Variants in WDR25 observed in about 807,000 individuals in gnomAD.
WDR25 encodes the protein WD repeat domain 25.
In WDR25, 35 loss-of-function variants were observed where a neutral mutation model predicts 47.7. The observed-to-expected ratio is 0.73, with a 90% CI of 0.56 to 0.97. The LOEUF (loss-of-function observed/expected upper bound fraction) is 0.97, where lower values mean the gene tolerates loss of function less well. Ranked by LOEUF, WDR25 falls within the 50% of genes least tolerant of loss-of-function variation. The pLI is 0.00. For missense variants in WDR25, 634 were observed against 704.7 expected (o/e 0.90, Z 1.14); for synonymous variants, 248 against 278.9 (o/e 0.89, Z 1.10).
intron 4 of WDR25, among the ~76,000 whole-genome samples, chr14:100,501,516 C>T (rs180766976): frequency 1.7e-4 from 26 of 152,264 alleles, no homozygotes; most frequent in African/African-American, 5.5e-4. Flanking sequence ...GCGATAACAC[C>T]GGTCATCTCA....
chr14:100,414,435 C>T (rs765496948), intron 2 of WDR25, among the ~76,000 whole-genome samples: 27 of 151,498 alleles, frequency 1.8e-4, no homozygotes, highest in Non-Finnish European at 3.5e-4. Flanking sequence ...GTCTCAGCCT[C>T]CCGAGTAGCT....
At chr14:100,501,206 C>T (rs1900911213) in intron 4 of WDR25, among the ~76,000 whole-genome samples, 1 of 145,656 alleles carries the variant, frequency 6.9e-6, no homozygotes, top group South Asian at 2.1e-4. Context: ...CTGTACAGTG[C>T]AGCTGGCGAG....
At chr14:100,396,556 C>A (rs1434484265) in intron 2 of WDR25, among the ~76,000 whole-genome samples, 1 of 152,190 alleles carries the variant, frequency 6.6e-6, no homozygotes, top group Non-Finnish European at 1.5e-5. Context: ...GCAGGTGGCA[C>A]AAGTTTGCCC....
At chr14:100,446,598 GGTAA>G (rs1178612296) in intron 2 of WDR25, among the ~76,000 whole-genome samples, 1 of 151,066 alleles carries the variant, frequency 6.6e-6, no homozygotes, top group African/African-American at 2.4e-5. Flanking sequence ...CACAACACAT[GGTAA>G]GTAACACAAT....
chr14:100,442,863 AT>A (rs1239494837), intron 2 of WDR25, among the ~76,000 whole-genome samples: 2 of 152,258 alleles, frequency 1.3e-5, no homozygotes, highest in African/African-American at 4.8e-5. Flanking sequence ...CCATTTCTTT[AT>A]GTGATTCAGA....
At chr14:100,408,056 G>A (rs1428856190) in intron 2 of WDR25, among the ~76,000 whole-genome samples, 1 of 152,110 alleles carries the variant, frequency 6.6e-6, no homozygotes, top group Non-Finnish European at 1.5e-5. Context: ...TGTGGTGATG[G>A]TAATGGCCTA....
intron 2 of WDR25, among the ~76,000 whole-genome samples, chr14:100,460,300 G>C (rs1013283264): frequency 6.6e-6 from 1 of 151,962 alleles, no homozygotes; most frequent in Non-Finnish European, 1.5e-5. Context: ...TTTTAGTAGA[G>C]ACGGGGTTTC....
intron 2 of WDR25, among the ~76,000 whole-genome samples, chr14:100,398,697 G>A (rs541210014): frequency 5.5e-5 from 8 of 146,194 alleles, no homozygotes; most frequent in East Asian, 2.0e-4. Context: ...TCCTTTTTCC[G>A]TTTCAGGATC....
At chr14:100,476,890 T>C (rs925921089) in intron 3 of WDR25, among the ~76,000 whole-genome samples, 1 of 152,140 alleles carries the variant, frequency 6.6e-6, no homozygotes, top group Non-Finnish European at 1.5e-5. Flanking sequence ...TGGAGACCCA[T>C]ACTTGGGTTT....
At position 100,499,646 on chromosome 14, in the gene WDR25, G is replaced by C. The variant is rs1316253324; in HGVS notation, c.1101+15522G>C. ...GGCTGGAGGTGGGGTGGTGGCTGAG[G>C]GAGCAGGGTGGGTATAGGGAAGAAA... On this transcript the variant is annotated intron_variant, in intron 4 of 6. Transcript: ENST00000402312. The surrounding 1 kb of genome is among the most constrained non-coding windows in gnomAD (Gnocchi z 4.4). Among the ~76,000 whole-genome samples, 1 of 152,114 alleles carries C rather than the reference G, an allele frequency of 6.6e-6. No homozygotes were observed. The highest frequency in any genetic ancestry group is 1.5e-5 in the Non-Finnish European group (1 of 68,016).
intron 2 of WDR25, among the ~76,000 whole-genome samples, chr14:100,391,279 C>G (rs997835079): frequency 6.6e-6 from 1 of 152,134 alleles, no homozygotes; most frequent in African/African-American, 2.4e-5. Context: ...TAGCTTGAGC[C>G]AGTTTCAATT....
At position 100,407,783 on chromosome 14, in the gene WDR25, A is replaced by C. The variant is rs1382965985; in HGVS notation, c.822+26037A>C. On this transcript the variant is annotated intron_variant, in intron 2 of 6. Coordinates refer to ENST00000402312, the MANE Select transcript of WDR25 (RefSeq NM_001161476.3). The surrounding 1 kb of genome is among the most constrained non-coding windows in gnomAD (Gnocchi z 4.1). ...TGGCTAGGTTGAGTCTGGGTGCCAG[A>C]GATTAGAGCTGGGATTGGAGATGTA... Among the ~76,000 whole-genome samples, 1 of 152,066 alleles carries C rather than the reference A, an allele frequency of 6.6e-6. No homozygotes were observed. The highest frequency in any genetic ancestry group is 1.5e-5 in the Non-Finnish European group (1 of 68,012).
intron 5 of WDR25, among the ~76,000 whole-genome samples, chr14:100,528,546 A>G (rs1455642084): frequency 6.6e-6 from 1 of 151,216 alleles, no homozygotes; most frequent in Non-Finnish European, 1.5e-5. Flanking sequence ...GCTGGGATAC[A>G]GGCGTGAGCC....
At chr14:100,457,235 G>T (rs1325939609) in intron 2 of WDR25, among the ~76,000 whole-genome samples, 1 of 152,154 alleles carries the variant, frequency 6.6e-6, no homozygotes, top group African/African-American at 2.4e-5. Flanking sequence ...GATTACAGGC[G>T]TGAGCCACCG....
intron 2 of WDR25, among the ~76,000 whole-genome samples, chr14:100,389,042 C>T (rs1204317784): frequency 6.6e-6 from 1 of 152,170 alleles, no homozygotes; most frequent in East Asian, 1.9e-4. Flanking sequence ...TTTCTTGTTG[C>T]TTTTAAAACT....
chr14:100,465,932 C>T (rs955082225), intron 2 of WDR25, among the ~76,000 whole-genome samples: 6 of 152,204 alleles, frequency 3.9e-5, no homozygotes, highest in African/African-American at 7.2e-5. Flanking sequence ...CATGTAAAAA[C>T]TTAAATGGCA....
At position 100,381,397 on chromosome 14, in the gene WDR25, G is replaced by C. The variant is rs1183190332; in HGVS notation, c.473G>C (p.Gly158Ala). The C allele has an allele frequency of 3.1e-6, 5 of 1,614,206 alleles. No individual in the cohort carries two copies. Among genetic ancestry groups the C allele is most frequent in the Non-Finnish European group, 4.2e-6 (5 of 1,180,020 alleles). ...GCTCAAAGTGAGTCTGAAACCGTAG[G>C]TAAAAATGGCAGCTCTTTTCAGAAG... Reference protein sequence around the residue: ...FHAQSESETVGKNGSSFQKKK... With the variant: ...FHAQSESETVAKNGSSFQKKK... Residue 158 changes from glycine (G) to alanine (A), a missense_variant, in exon 2 of 7, where the codon GGT (glycine) becomes GCT (alanine). Coordinates refer to ENST00000402312, the MANE Select transcript of WDR25 (RefSeq NM_001161476.3).
At chr14:100,507,967 GA>G (rs1901172740) in intron 4 of WDR25, among the ~76,000 whole-genome samples, 1 of 151,592 alleles carries the variant, frequency 6.6e-6, no homozygotes, top group Non-Finnish European at 1.5e-5. Flanking sequence ...AACTTGGCAA[GA>G]AAAAAAGAAA....
Position 100,506,170 on chromosome 14 carries a change from G to C in WDR25, c.1102-19700G>C, listed in dbSNP as rs1901103069. 6.6e-6 allele frequency among the ~76,000 whole-genome samples: 1 copy of C among 152,090 alleles called. No individual in the cohort carries two copies. Among genetic ancestry groups the C allele is most frequent in the Non-Finnish European group, 1.5e-5 (1 of 68,022 alleles). On this transcript the variant is annotated intron_variant, in intron 4 of 6. Transcript: ENST00000402312. The surrounding 1 kb of genome is among the most constrained non-coding windows in gnomAD (Gnocchi z 4.8). ...ATAAGTGAAAACATGGAGTATTTTT[G>C]TTTTCTGTTCCTGCATTAATTTGCT... is the stretch of plus-strand genomic sequence containing the variant.
Sources: gnomAD v4.1 joint callset for allele counts (sites outside exome capture counted in the v4.1 genomes callset) on GRCh38, gnomAD v4.1.1 for gene constraint, Gnocchi (gnomAD v3.1) non-coding constraint, MANE v1.5 for transcripts, NCBI Gene and HGNC (gene_info 2026-07-23, HGNC 2026-07-21) for gene names.